The following SLC6A18 variants were observed in gnomAD, a reference collection of about 807,000 sequenced individuals.
The protein encoded by SLC6A18 is inactive sodium-dependent neutral amino acid transporter B(0)AT3.
Under a neutral mutation model 62.9 loss-of-function variants are expected in SLC6A18, and 58 were observed. The observed-to-expected ratio is 0.92, with a 90% confidence interval of 0.75 to 1.15. The LOEUF is 1.15. Among genes scored for constraint, SLC6A18 ranks in the 50% most tolerant of loss-of-function variants. The pLI is 0.00. For synonymous variants in SLC6A18, 382 were observed against 365.8 expected (o/e 1.04, Z -0.51); for missense variants, 793 against 836.6 (o/e 0.95, Z 0.64).
intron 2 of SLC6A18, 120 bp downstream of exon 2, chr5:1,232,479 G>A (rs957845890): frequency 1.7e-5 from 23 of 1,359,896 alleles, no homozygotes; most frequent in South Asian, 5.7e-5. Flanking sequence ...CCAGGCCGGC[G>A]GGTGGGGTGG....
At chr5:1,242,951 C>A in intron 8 of SLC6A18, 88 bp downstream of exon 8, 1 of 1,425,228 alleles carries the variant, frequency 7.0e-7, no homozygotes, top group Non-Finnish European at 9.5e-7. Flanking sequence ...CCAAAGGCTG[C>A]AAACAATTCC....
chr5:1,230,682 G>T (rs574152449), intron 1 of SLC6A18, among the ~76,000 whole-genome samples: 1 of 152,170 alleles, frequency 6.6e-6, no homozygotes, highest in Non-Finnish European at 1.5e-5. Context: ...TCTAGAAGCC[G>T]GACCCTGCCT....
intron 7 of SLC6A18, among the ~76,000 whole-genome samples, chr5:1,242,489 G>A (rs1216807090): frequency 1.6e-5 from 2 of 121,782 alleles, no homozygotes; most frequent in Non-Finnish European, 3.5e-5. Flanking sequence ...GCGTCCACAC[G>A]ATCCCAACAG....
rs1403500609 is a variant in SLC6A18, at chr5:1,225,410, C to T, written c.-68C>T. On this transcript the variant is annotated 5_prime_UTR_variant, in exon 1 of 12. The change creates a new upstream start codon in the 5' untranslated region. Coordinates refer to ENST00000324642, the MANE Select transcript of SLC6A18 (RefSeq NM_182632.3). ...TCCAAACGTCGGCAGAGGCTGGAGA[C>T]GGCTCTCTAGTGCTGGGTGTGGAGT... is the stretch of plus-strand genomic sequence containing the variant. The T allele has an allele frequency of 3.7e-5, 55 of 1,485,522 alleles. No individual in the cohort carries two copies. The Middle Eastern group carries it at 7.3e-4, about 20-fold the overall frequency. The allele number at this position is 1,485,522 out of a possible 1,614,324, so 92.0% of individuals were successfully genotyped here.
intron 1 of SLC6A18, among the ~76,000 whole-genome samples, chr5:1,231,741 A>C (rs1054066344): frequency 3.3e-5 from 5 of 152,218 alleles, no homozygotes; most frequent in Admixed American, 1.3e-4. Flanking sequence ...TTTCAGAAAC[A>C]TCACGTTAAT....
chr5:1,243,440 G>T lies in SLC6A18; in HGVS notation c.1132-115G>T. 4 of 1,198,448 alleles carry T rather than the reference G, an allele frequency of 3.3e-6. No individual in the cohort carries two copies. The Admixed American group carries it at 7.5e-5, about 23-fold the overall frequency. 74.2% of individuals were successfully genotyped at this position (1,198,448 alleles called of 1,614,324 possible). ...GCCACCTCAGCCCGACACCAGGAGG[G>T]GTGATGTGCACTCGTGTCCTCGGCC... is the stretch of plus-strand genomic sequence containing the variant. On this transcript the variant is annotated intron_variant, in intron 8 of 11. Transcript: ENST00000324642. The surrounding 1 kb of genome is among the most constrained non-coding windows in gnomAD (Gnocchi z 6.5).
chr5:1,234,606 G>A (rs935695878), intron 3 of SLC6A18, among the ~76,000 whole-genome samples: 3 of 152,244 alleles, frequency 2.0e-5, no homozygotes, highest in Admixed American at 6.5e-5. Context: ...GCACACGGCA[G>A]GGCCCCATAA....
At chr5:1,245,068 GGAGC>G (rs1747184811) in intron 11 of SLC6A18, among the ~76,000 whole-genome samples, 1 of 152,178 alleles carries the variant, frequency 6.6e-6, no homozygotes, top group Non-Finnish European at 1.5e-5. Flanking sequence ...ACAGGGCCCT[GGAGC>G]TCCTCCTTGG....
rs576955536 is a variant in SLC6A18 at position 1,241,110 on chromosome 5, G to A, written c.974+451G>A. 4.6e-5 allele frequency among the ~76,000 whole-genome samples: 7 copies of A among 152,318 alleles called. No individual in the cohort carries two copies. The highest frequency in any genetic ancestry group is 2.1e-4 in the South Asian group (1 of 4,826). ...GGGATTTCAGATGTCACAGTACTCC[G>A]GAACGGGAGAGGATGATTTCCCGTG... is the stretch of plus-strand genomic sequence containing the variant. On this transcript the variant is annotated intron_variant, in intron 7 of 11. Coordinates refer to ENST00000324642, the MANE Select transcript of SLC6A18 (RefSeq NM_182632.3). The surrounding 1 kb of genome is among the most constrained non-coding windows in gnomAD (Gnocchi z 7.8).
At chr5:1,244,175 C>CA in intron 9 of SLC6A18, 39 bp from the exon 10 acceptor site, 57 of 893,816 alleles carry the variant, frequency 6.4e-5, no homozygotes, top group East Asian at 1.5e-4. Flanking sequence ...CTCCACTCCC[C>CA]ATCCCCTTAC....
intron 10 of SLC6A18, 43 bp from the exon 11 acceptor site, chr5:1,244,565 C>A (rs767284673): frequency 6.4e-7 from 1 of 1,562,818 alleles, no homozygotes; most frequent in South Asian, 1.2e-5. Context: ...GTGGGTGGAC[C>A]TTCCACAGAC....
intron 1 of SLC6A18, among the ~76,000 whole-genome samples, chr5:1,231,978 G>T (rs1746741282): frequency 6.6e-6 from 1 of 152,136 alleles, no homozygotes; most frequent in Non-Finnish European, 1.5e-5. Context: ...CTCCTTTTGG[G>T]CCCCCTGCTC....
chr5:1,232,898 G>A lies in SLC6A18; in HGVS notation c.439+10G>A. The stretch of plus-strand genomic sequence containing the variant: ...GACCTCAACAGAACAGGTGAGCTGG[G>A]CGCCGCCTGCTGTGTGGGTCCGTGC... On this transcript the variant is annotated intron_variant, in intron 3 of 11. Coordinates refer to ENST00000324642, the MANE Select transcript of SLC6A18 (RefSeq NM_182632.3). 1 of 1,605,486 alleles carries A rather than the reference G, an allele frequency of 6.2e-7. No homozygotes were observed. Among genetic ancestry groups the A allele is most frequent in the Non-Finnish European group, 8.5e-7 (1 of 1,175,252 alleles).
chr5:1,245,874 G>T lies in SLC6A18; in HGVS notation c.1683G>T (p.Lys561Asn). 1 of 1,608,446 alleles carries T rather than the reference G, an allele frequency of 6.2e-7. No individual in the cohort carries two copies. The highest frequency in any genetic ancestry group is 1.1e-5 in the South Asian group (1 of 90,770). The change falls in exon 12 of 12, where the codon AAG becomes AAT. Residue 561 changes from lysine (K) to asparagine (N), a missense_variant. Physicochemically the swap from Lys to Asn is moderately conservative, Grantham distance 94. Coordinates refer to ENST00000324642, the MANE Select transcript of SLC6A18 (RefSeq NM_182632.3). ...KYELFPSRQE[K>N]LYPGWARAAC... is the part of the protein sequence containing the mutation. ...AGCTGTTCCCCTCGCGTCAGGAGAA[G>T]CTCTACCCGGGCTGGGCGCGCGCCG...
intron 11 of SLC6A18, 150 bp downstream of exon 11, chr5:1,244,917 G>A (rs914710757): frequency 2.2e-6 from 2 of 924,884 alleles, no homozygotes; most frequent in Admixed American, 3.0e-5. Context: ...TGGCAAACTG[G>A]GAAGCCAGGG....
At chr5:1,230,053 GAGGGAA>G (rs1746687639) in intron 1 of SLC6A18, among the ~76,000 whole-genome samples, 1 of 150,782 alleles carries the variant, frequency 6.6e-6, no homozygotes, top group Non-Finnish European at 1.5e-5. Flanking sequence ...GGAGGTGGGG[GAGGGAA>G]AAGGGGCTCT....
At position 1,241,727 on chromosome 5, in the gene SLC6A18, C is replaced by A. The variant is rs1355384245; in HGVS notation, c.975-980C>A. Among the ~76,000 whole-genome samples the A allele has an allele frequency of 6.6e-6, 1 of 152,202 alleles. No individual in the cohort carries two copies. The highest frequency in any genetic ancestry group is 1.5e-5 in the Non-Finnish European group (1 of 68,036). ...AAGGCAGAGCTGGGCTTTGTTCAGCCCCAGCCGGGGACGTGCATGGCGGGC... is the reference window on the plus strand; with the variant it reads ...AAGGCAGAGCTGGGCTTTGTTCAGCACCAGCCGGGGACGTGCATGGCGGGC... On this transcript the variant is annotated intron_variant, in intron 7 of 11. Coordinates refer to ENST00000324642, the MANE Select transcript of SLC6A18 (RefSeq NM_182632.3). The surrounding 1 kb of genome is among the most constrained non-coding windows in gnomAD (Gnocchi z 7.8).
In SLC6A18 at chr5:1,243,645, G is replaced by T. The variant is rs138053797; in HGVS notation, c.1222G>T (p.Gly408Trp). Reference protein sequence around the residue: ...GAPVWAMLFFGMLFTLGLSTM... With the variant: ...GAPVWAMLFFWMLFTLGLSTM... ...TCCTGTGTGGGCCATGCTCTTCTTC[G>T]GGATGCTGTTCACCTTGGGGCTATC... The change falls in exon 9 of 12, where the codon GGG (glycine) becomes TGG (tryptophan). Residue 408 changes from glycine (G) to tryptophan (W), a missense_variant. Gly to Trp is a radical substitution (Grantham distance 184). Coordinates refer to ENST00000324642, the MANE Select transcript of SLC6A18 (RefSeq NM_182632.3). This position sits in a 1 kb window ranked among gnomAD's most constrained non-coding sequence, Gnocchi z 6.5. 8.7e-6 allele frequency: 14 copies of T among 1,614,062 alleles called. No homozygotes were observed. The highest frequency in any genetic ancestry group is 1.0e-5 in the Non-Finnish European group (12 of 1,180,002).
chr5:1,243,764 G>A lies in SLC6A18; in HGVS notation c.1336+5G>A. 1.9e-6 allele frequency: 3 copies of A among 1,595,476 alleles called. No homozygotes were observed. The highest frequency in any genetic ancestry group is 2.6e-6 in the Non-Finnish European group (3 of 1,169,626). On this transcript the variant is annotated splice_donor_5th_base_variant and intron_variant, in intron 9 of 11. Coordinates refer to ENST00000324642, the MANE Select transcript of SLC6A18 (RefSeq NM_182632.3). This position sits in a 1 kb window ranked among gnomAD's most constrained non-coding sequence, Gnocchi z 6.5. ...TCCCCAAGGAGGCCCTGACTGGTGA[G>A]CGCACAGCTCCGCCGCCCTGGAGGA...
Sources: gnomAD v4.1 joint callset for allele counts (sites outside exome capture counted in the v4.1 genomes callset) on GRCh38, gnomAD v4.1.1 for gene constraint, Gnocchi (gnomAD v3.1) non-coding constraint, MANE v1.5 for transcripts, NCBI Gene and HGNC (gene_info 2026-07-23, HGNC 2026-07-21) for gene names.